Variants in YWHAE observed in about 807,000 individuals in gnomAD.
YWHAE encodes tyrosine 3-monooxygenase/tryptophan 5-monooxygenase activation protein epsilon.
YWHAE carries 4 observed loss-of-function variants against 30.1 expected under a neutral mutation model. That is an observed-to-expected ratio of 0.13 (90% CI 0.07 to 0.30). YWHAE has a LOEUF of 0.30. Among genes scored for constraint, YWHAE ranks in the 10% least tolerant of loss-of-function variants. The probability of loss-of-function intolerance (pLI) is 1.00; values close to 1 mark genes in which losing one functional copy is unlikely to be tolerated. For missense variants in YWHAE, 121 were observed against 315.9 expected (o/e 0.38, Z 4.68); for synonymous variants, 118 against 111.8 (o/e 1.06, Z -0.35).
rs192291961 is a variant in YWHAE at position 1,392,216 on chromosome 17, T to C, written c.64+7831A>G. Among the ~76,000 whole-genome samples, 403 of 152,194 alleles carry C rather than the reference T, an allele frequency of 2.6e-3. 3 individuals carry two copies. The highest frequency in any genetic ancestry group is 4.8e-3 in the South Asian group (23 of 4,826). On this transcript the variant is annotated intron_variant, in intron 1 of 5. Transcript: ENST00000264335. ...AAAGAAAAAGAAAAAGAAAAAAAAG[T>C]TCTTTTAAATTATCCAGGTATTGTG... is the stretch of plus-strand genomic sequence containing the variant.
At chr17:1,394,445 A>AAAAAAAAAACAAAAACAAAAC (rs1567987794) in intron 1 of YWHAE, among the ~76,000 whole-genome samples, 1 of 142,504 alleles carries the variant, frequency 7.0e-6, no homozygotes, top group African/African-American at 2.9e-5. Flanking sequence ...ACAAAAAAAA[A>AAAAAAAAAACAAAAACAAAAC]AAAAAAAAAA....
chr17:1,368,248 C>T (rs982464334), intron 1 of YWHAE, among the ~76,000 whole-genome samples: 13 of 152,060 alleles, frequency 8.5e-5, no homozygotes, highest in Admixed American at 6.6e-4. Context: ...CGTGGTGGCA[C>T]ATGCCTGTAA....
At chr17:1,374,515 C>T (rs974013356) in intron 1 of YWHAE, among the ~76,000 whole-genome samples, 1 of 152,144 alleles carries the variant, frequency 6.6e-6, no homozygotes, top group Non-Finnish European at 1.5e-5. Flanking sequence ...ACATCCCAAA[C>T]TTTTCTACAG....
In YWHAE at chr17:1,362,016, A is replaced by C; in HGVS notation, c.265-8T>G. The C allele has an allele frequency of 6.5e-7, 1 of 1,538,602 alleles. No homozygotes were observed. The highest frequency in any genetic ancestry group is 1.3e-5 in the South Asian group (1 of 78,522). Reference sequence around the variant, plus strand: ...CTTTAGCTCAGTCTCAACCTAAAAAAAAAAAAATTTTTTTTAAATCAGATT... The same window carrying C: ...CTTTAGCTCAGTCTCAACCTAAAAACAAAAAAATTTTTTTTAAATCAGATT... On this transcript the variant is annotated splice_region_variant and splice_polypyrimidine_tract_variant and intron_variant, in intron 2 of 5. Coordinates refer to ENST00000264335, the MANE Select transcript of YWHAE (RefSeq NM_006761.5).
rs977223993 is a variant in YWHAE, at chr17:1,351,560, G to C, written c.715+2651C>G. Among the ~76,000 whole-genome samples, 3 of 152,214 alleles carry C rather than the reference G, an allele frequency of 2.0e-5. No homozygotes were observed. The East Asian group carries it at 5.8e-4, about 29-fold the overall frequency. ...TCCATCAACAGGCAGAGAGATACTA[G>C]CATCTGAGCTGGGGATGACCATTAC... On this transcript the variant is annotated intron_variant, in intron 5 of 5. Transcript: ENST00000264335.
At chr17:1,365,389 T>C (rs8078073) in intron 1 of YWHAE, among the ~76,000 whole-genome samples, 37,070 of 152,068 alleles carry the variant, frequency 0.24, 5,321 homozygotes, top group African/African-American at 0.39. Flanking sequence ...AAATGAGCTG[T>C]CAGTTTAAGA....
intron 5 of YWHAE, among the ~76,000 whole-genome samples, chr17:1,351,020 T>C (rs985056426): frequency 4.7e-5 from 7 of 148,820 alleles, no homozygotes; most frequent in East Asian, 2.0e-4. Context: ...GATCGCACCA[T>C]TGCATTCCAA....
At chr17:1,349,798 T>G (rs1286405072) in intron 5 of YWHAE, among the ~76,000 whole-genome samples, 2 of 151,902 alleles carry the variant, frequency 1.3e-5, no homozygotes. Context: ...GTATTTTTAG[T>G]AGAGACGGGG....
intron 5 of YWHAE, among the ~76,000 whole-genome samples, chr17:1,353,756 T>C (rs1457928100): frequency 1.2e-5 from 1 of 85,230 alleles, no homozygotes; most frequent in African/African-American, 7.6e-5. Context: ...GCAGCAAGAC[T>C]CCGTCTCAAA....
intron 4 of YWHAE, among the ~76,000 whole-genome samples, chr17:1,359,740 TG>T (rs2072823154): frequency 6.6e-6 from 1 of 151,146 alleles, no homozygotes; most frequent in South Asian, 2.1e-4. Context: ...TCGCTTTGTG[TG>T]GGGTGAAGAG....
At chr17:1,391,453 A>G (rs2073388439) in intron 1 of YWHAE, among the ~76,000 whole-genome samples, 1 of 152,206 alleles carries the variant, frequency 6.6e-6, no homozygotes, top group African/African-American at 2.4e-5. Flanking sequence ...TGCCCAGGAC[A>G]ATCCCAGTTT....
intron 1 of YWHAE, among the ~76,000 whole-genome samples, chr17:1,383,700 A>AT (rs1032488997): frequency 1.5e-4 from 23 of 152,008 alleles, no homozygotes; most frequent in Non-Finnish European, 3.2e-4. Context: ...TGTTTAAACA[A>AT]TTTTTTAAAA....
chr17:1,378,502 G>A (rs755532828), intron 1 of YWHAE, among the ~76,000 whole-genome samples: 13 of 152,164 alleles, frequency 8.5e-5, no homozygotes, highest in Non-Finnish European at 1.6e-4. Context: ...TATAAAGATG[G>A]AGCAAAATTT....
chr17:1,370,419 C>T (rs779320979), intron 1 of YWHAE, among the ~76,000 whole-genome samples: 6 of 151,852 alleles, frequency 4.0e-5, no homozygotes, highest in South Asian at 2.1e-4. Flanking sequence ...GCGTGAGCCA[C>T]CGCGACTGGC....
intron 2 of YWHAE, among the ~76,000 whole-genome samples, chr17:1,362,873 C>T (rs2072885259): frequency 6.6e-6 from 1 of 152,134 alleles, no homozygotes. Context: ...AGAAGGAAGA[C>T]TTCTAAGTTC....
chr17:1,389,795 C>T (rs879285952), intron 1 of YWHAE, among the ~76,000 whole-genome samples: 40 of 151,406 alleles, frequency 2.6e-4, no homozygotes, highest in Non-Finnish European at 5.3e-4. Flanking sequence ...CTCCCAAAGT[C>T]CTGGGATTAC....
chr17:1,345,949 G>A (rs1367296395), intron 5 of YWHAE, among the ~76,000 whole-genome samples: 13 of 152,170 alleles, frequency 8.5e-5, no homozygotes, highest in Admixed American at 8.5e-4. Flanking sequence ...AGTTAACTGA[G>A]CAATAAACTG....
At chr17:1,385,032 T>C (rs1410395090) in intron 1 of YWHAE, among the ~76,000 whole-genome samples, 3 of 151,408 alleles carry the variant, frequency 2.0e-5, no homozygotes, top group African/African-American at 7.3e-5. Context: ...AGTCTCCCTA[T>C]GTTGCCCTGG....
In YWHAE at chr17:1,400,119, C is replaced by T. The variant is rs550898213; in HGVS notation, c.-9G>A. ...TCCTCTCGATCATCCATAGCGGCAG[C>T]GGCTCCGGCAGGGTCTGCGCGACGG... is the stretch of plus-strand genomic sequence containing the variant. On this transcript the variant is annotated 5_prime_UTR_variant, in exon 1 of 6. Coordinates refer to ENST00000264335, the MANE Select transcript of YWHAE (RefSeq NM_006761.5). 3 of 1,613,922 alleles carry T rather than the reference C, an allele frequency of 1.9e-6. No homozygotes were observed. Among genetic ancestry groups the T allele is most frequent in the East Asian group, 2.2e-5 (1 of 44,886 alleles).
Sources: allele counts gnomAD v4.1 joint callset (sites outside exome capture counted in the v4.1 genomes callset), GRCh38; gene constraint gnomAD v4.1.1; transcripts MANE v1.5; gene names NCBI Gene and HGNC (gene_info 2026-07-23, HGNC 2026-07-21).